DYM: variants seen among roughly 807,000 people sequenced by gnomAD.
DYM encodes dyggve-Melchior-Clausen syndrome protein.
DYM carries 78 observed loss-of-function variants against 93.1 expected under a neutral mutation model. The ratio of observed to expected loss-of-function variants is 0.84; its 90% confidence interval spans 0.70 to 1.01. The LOEUF (loss-of-function observed/expected upper bound fraction) is 1.01. Among genes scored for constraint, DYM ranks in the 50% least tolerant of loss-of-function variants. The probability of loss-of-function intolerance (pLI) is 0.00; values close to 1 mark genes in which losing one functional copy is unlikely to be tolerated. For missense variants in DYM, 789 were observed against 845.0 expected (o/e 0.93, Z 0.82); for synonymous variants, 321 against 319.7 (o/e 1.00, Z -0.04).
At chr18:49,365,854 C>CAGGATTCATCAAATGATGA (rs1199364144) in intron 5 of DYM, among the ~76,000 whole-genome samples, 1 of 152,110 alleles carries the variant, frequency 6.6e-6, no homozygotes, top group African/African-American at 2.4e-5. Flanking sequence ...AAAATGATGA[C>CAGGATTCATCAAATGATGA]AAGGATTCTC....
At chr18:49,319,110 AG>A (rs1357233243) in intron 8 of DYM, among the ~76,000 whole-genome samples, 1 of 152,148 alleles carries the variant, frequency 6.6e-6, no homozygotes, top group Non-Finnish European at 1.5e-5. Flanking sequence ...GGCCATAAAT[AG>A]GTAACATTAT....
intron 2 of DYM, among the ~76,000 whole-genome samples, chr18:49,403,394 T>C (rs2071075840): frequency 6.6e-6 from 1 of 152,236 alleles, no homozygotes; most frequent in South Asian, 2.1e-4. Context: ...TCTCTCAGTA[T>C]TAAGCAACTT....
intron 2 of DYM, among the ~76,000 whole-genome samples, chr18:49,429,506 A>G (rs1451675213): frequency 2.0e-5 from 3 of 152,218 alleles, no homozygotes; most frequent in Admixed American, 6.5e-5. Flanking sequence ...AGAATTAAAT[A>G]TGAGATATTA....
rs1404434901 is a variant in DYM, at chr18:49,040,228, T to C, written c.*3827A>G. ...CCCCAGAGTCAACAAGATAGTTAAG[T>C]ATTACTTGTCCAGTTCTATGGGGCT... On this transcript the variant is annotated 3_prime_UTR_variant, in exon 18 of 18. Transcript: ENST00000675505. Among the ~76,000 whole-genome samples, 2 of 152,202 alleles carry C rather than the reference T, an allele frequency of 1.3e-5. No homozygotes were observed. Among genetic ancestry groups the C allele is most frequent in the Admixed American group, 1.3e-4 (2 of 15,278 alleles).
intron 15 of DYM, among the ~76,000 whole-genome samples, chr18:49,120,096 G>GA (rs1196709325): frequency 9.0e-5 from 11 of 121,796 alleles, no homozygotes; most frequent in Admixed American, 4.0e-4. Context: ...AAAAAAAAAA[G>GA]AAAAAAAAGA....
intron 17 of DYM, among the ~76,000 whole-genome samples, chr18:49,067,477 A>G (rs1251019613): frequency 3.4e-5 from 5 of 146,946 alleles, no homozygotes; most frequent in African/African-American, 1.3e-4. Context: ...TAGGAGAAGG[A>G]GTGGGGTGAT....
At chr18:49,165,457 C>T (rs2087745012) in intron 14 of DYM, among the ~76,000 whole-genome samples, 1 of 151,870 alleles carries the variant, frequency 6.6e-6, no homozygotes, top group Non-Finnish European at 1.5e-5. Context: ...TTAGTAATCC[C>T]CTTACAAATA....
In DYM at chr18:49,087,065, A is replaced by G. The variant is rs112138271; in HGVS notation, c.2025+10337T>C. On this transcript the variant is annotated intron_variant, in intron 17 of 17. Coordinates refer to ENST00000675505, the MANE Select transcript of DYM (RefSeq NM_001353214.3). The stretch of plus-strand genomic sequence containing the variant: ...TCCCTTACCCCTTCTGCCATGTGGA[A>G]GATAAAGCAGGAAGATGGCCATCTA... 1.6e-3 allele frequency among the ~76,000 whole-genome samples: 251 copies of G among 152,234 alleles called. 2 individuals are homozygous for G. Among genetic ancestry groups the G allele is most frequent in the Non-Finnish European group, 2.9e-3 (199 of 68,014 alleles).
intron 8 of DYM, among the ~76,000 whole-genome samples, chr18:49,301,963 C>T (rs980869108): frequency 6.6e-6 from 1 of 152,188 alleles, no homozygotes; most frequent in African/African-American, 2.4e-5. Context: ...CATGGTGGTT[C>T]AGTGTGCATA....
chr18:49,292,607 A>ACC (rs2060225156), intron 8 of DYM, among the ~76,000 whole-genome samples: 2 of 70,388 alleles, frequency 2.8e-5, no homozygotes, highest in Admixed American at 2.4e-4. Context: ...AAAAAAAAAA[A>ACC]AAAAAAAAAA....
chr18:49,282,998 G>A (rs1359152546), intron 9 of DYM, among the ~76,000 whole-genome samples: 1 of 152,154 alleles, frequency 6.6e-6, no homozygotes, highest in African/African-American at 2.4e-5. Flanking sequence ...TAACAATGGA[G>A]TCATATTCCC....
chr18:49,253,828 C>T (rs1262730325), intron 13 of DYM, among the ~76,000 whole-genome samples: 3 of 152,162 alleles, frequency 2.0e-5, no homozygotes, highest in Non-Finnish European at 4.4e-5. Context: ...TTCAATCACA[C>T]TTTCTTTTTT....
At chr18:49,367,090 G>C (rs1218535940) in intron 5 of DYM, among the ~76,000 whole-genome samples, 1 of 152,152 alleles carries the variant, frequency 6.6e-6, no homozygotes, top group Non-Finnish European at 1.5e-5. Flanking sequence ...TATGGGCCCG[G>C]TTAGGAGGGA....
intron 5 of DYM, among the ~76,000 whole-genome samples, chr18:49,376,024 G>A (rs1244659869): frequency 2.0e-5 from 3 of 152,124 alleles, no homozygotes; most frequent in African/African-American, 7.2e-5. Flanking sequence ...AGGCTGCACT[G>A]TCAGCCCTAC....
chr18:49,218,432 C>T (rs1297727087), intron 13 of DYM, among the ~76,000 whole-genome samples: 1 of 152,176 alleles, frequency 6.6e-6, no homozygotes, highest in Non-Finnish European at 1.5e-5. Context: ...AACTCTGCAC[C>T]CCAAATCAAC....
chr18:49,379,583 A>G, intron 4 of DYM, 82 bp downstream of exon 4: 2 of 1,176,358 alleles, frequency 1.7e-6, no homozygotes, highest in Non-Finnish European at 2.5e-6. Flanking sequence ...TCAAAAGACC[A>G]CAGTCCATTT....
intron 15 of DYM, among the ~76,000 whole-genome samples, chr18:49,152,445 C>A (rs1211461107): frequency 1.3e-5 from 2 of 152,148 alleles, no homozygotes; most frequent in African/African-American, 4.8e-5. Context: ...ATGTCAAAGT[C>A]AGGCCTGGCT....
chr18:49,156,637 CAGG>C (rs1177497130), intron 15 of DYM, among the ~76,000 whole-genome samples: 3 of 148,098 alleles, frequency 2.0e-5, no homozygotes, highest in African/African-American at 2.5e-5. Flanking sequence ...GAGGCTGAGG[CAGG>C]AGAATTGCTT....
intron 3 of DYM, among the ~76,000 whole-genome samples, chr18:49,385,377 C>A (rs183985117): frequency 1.3e-5 from 2 of 152,258 alleles, no homozygotes. Context: ...GACCAATGGA[C>A]GTCTTATTTA....
Sources: allele counts gnomAD v4.1 joint callset (sites outside exome capture counted in the v4.1 genomes callset), GRCh38; gene constraint gnomAD v4.1.1; transcripts MANE v1.5; gene names NCBI Gene and HGNC (gene_info 2026-07-23, HGNC 2026-07-21).